The following TERB2 variants were observed in gnomAD, a reference collection of about 807,000 sequenced individuals.
TERB2 encodes telomere repeats-binding bouquet formation protein 2.
In TERB2, 26 loss-of-function variants were observed where a neutral mutation model predicts 29.8. The observed-to-expected ratio is 0.87, with a 90% CI of 0.64 to 1.21. The LOEUF is 1.21. Ranked by LOEUF, TERB2 falls within the 50% of genes most tolerant of loss-of-function variation. The probability of loss-of-function intolerance (pLI) is 0.00; values close to 1 mark genes in which losing one functional copy is unlikely to be tolerated. For missense variants in TERB2, 240 were observed against 268.6 expected, an observed-to-expected ratio of 0.89 and a Z score of 0.74; for synonymous variants, 80 against 90.8, an observed-to-expected ratio of 0.88 and a Z score of 0.68.
At position 44,978,512 on chromosome 15, in the gene TERB2, A is replaced by G. The variant is rs1401941068; in HGVS notation, c.547A>G (p.Lys183Glu). ...VTGYISIDAMKKFLGELHDFI... is the reference protein window; with the variant it reads ...VTGYISIDAMEKFLGELHDFI... ...AGGTTATATATCAATTGATGCCATG[A>G]AGAAATTCCTTGGGGAGCTACATGA... Residue 183 changes from lysine to glutamate, a missense_variant, in exon 7 of 7, where the codon AAG becomes GAG. Transcript: ENST00000340827. 6.2e-7 allele frequency: 1 copy of G among 1,605,062 alleles called. No homozygotes were observed. Among genetic ancestry groups the G allele is most frequent in the Non-Finnish European group, 8.5e-7 (1 of 1,175,520 alleles).
At position 44,957,075 on chromosome 15, in the gene TERB2, G is replaced by C; in HGVS notation, c.146+98G>C. 4 of 1,277,430 alleles carry C rather than the reference G, an allele frequency of 3.1e-6. No individual in the cohort carries two copies. The South Asian group carries it at 3.8e-5, about 12-fold the overall frequency. 79.1% of individuals were successfully genotyped at this position (1,277,430 alleles called of 1,614,324 possible). A position where few individuals can be genotyped will look rare whatever the true frequency, so the allele number is the denominator to read the frequency against. ...CTAATAAATATTGATGAGGCTGGGC[G>C]CGGTGGCGGACACCTATAATCCCAG... On this transcript the variant is annotated intron_variant, in intron 2 of 6. Transcript: ENST00000340827.
intron 6 of TERB2, among the ~76,000 whole-genome samples, chr15:44,976,541 C>A (rs138408602): frequency 1.1e-4 from 16 of 152,156 alleles, no homozygotes; most frequent in Admixed American, 1.0e-3. Flanking sequence ...GTCTTTTTTA[C>A]ATCCGACTCT....
intron 3 of TERB2, among the ~76,000 whole-genome samples, chr15:44,961,215 T>TATATAC (rs1348617987): frequency 7.5e-5 from 10 of 132,800 alleles, no homozygotes; most frequent in African/African-American, 3.0e-4. Flanking sequence ...TATATATATA[T>TATATAC]ACACACACAC....
intron 5 of TERB2, among the ~76,000 whole-genome samples, chr15:44,969,533 C>T (rs951497210): frequency 9.9e-5 from 15 of 151,658 alleles, no homozygotes; most frequent in Admixed American, 6.6e-4. Context: ...TCACACCTGT[C>T]ATCCCAGCAC....
chr15:44,965,227 A>G (rs1419682348), intron 4 of TERB2, among the ~76,000 whole-genome samples: 1 of 148,572 alleles, frequency 6.7e-6, no homozygotes, highest in Non-Finnish European at 1.5e-5. Flanking sequence ...GGTATATAAA[A>G]TAAATAGATT....
At chr15:44,967,149 A>G (rs193042629) in intron 5 of TERB2, among the ~76,000 whole-genome samples, 45 of 152,364 alleles carry the variant, frequency 3.0e-4, no homozygotes, top group Non-Finnish European at 2.8e-4. Flanking sequence ...TGGCCTTGCC[A>G]TTGTATTAGG....
intron 4 of TERB2, among the ~76,000 whole-genome samples, chr15:44,962,312 G>C (rs1891818369): frequency 6.6e-6 from 1 of 151,186 alleles, no homozygotes; most frequent in Non-Finnish European, 1.5e-5. Context: ...CTCCAGAGTA[G>C]CTGGGACCAC....
chr15:44,965,014 T>A (rs111699097), intron 4 of TERB2, among the ~76,000 whole-genome samples: 12 of 151,292 alleles, frequency 7.9e-5, no homozygotes, highest in African/African-American at 2.9e-4. Context: ...ATACAAAAAA[T>A]TTGCCAGATG....
In TERB2 at chr15:44,956,754, C is replaced by G. The variant is rs538168254; in HGVS notation, c.36C>G (p.Ser12Arg). 1.2e-6 allele frequency: 2 copies of G among 1,613,336 alleles called. No homozygotes were observed. Among genetic ancestry groups the G allele is most frequent in the African/African-American group, 2.7e-5 (2 of 74,868 alleles). ...FQGQRGWFCG[S>R]VSQDLRQFWV... ...GGCAGCGCGGTTGGTTTTGCGGCAG[C>G]GTTAGCCAGGATCTGAGGCAATTCT... Residue 12 changes from serine (S) to arginine (R), a missense_variant, in exon 1 of 7, where the codon AGC becomes AGG. Physicochemically the swap from Ser to Arg is moderately radical, Grantham distance 110 (BLOSUM62 -1). Coordinates refer to ENST00000340827, the MANE Select transcript of TERB2 (RefSeq NM_152448.3).
chr15:44,977,374 T>C (rs895285121), intron 6 of TERB2, among the ~76,000 whole-genome samples: 51 of 152,366 alleles, frequency 3.3e-4, no homozygotes, highest in African/African-American at 8.7e-4. Flanking sequence ...CTTATACTTA[T>C]AGGAATATTT....
Position 44,966,092 on chromosome 15 carries a change from A to C in TERB2, c.349-66A>C, listed in dbSNP as rs954885530. 3.4e-6 allele frequency: 3 copies of C among 878,474 alleles called. No homozygotes were observed. The African/African-American group carries it at 5.3e-5, about 16-fold the overall frequency. The allele number at this position is 878,474 out of a possible 1,614,324, so 54.4% of individuals were successfully genotyped here. ...TTTCCAGTTTATTTTTCCTTTTTAA[A>C]AACATTACTGATTGGATCACTGGTA... On this transcript the variant is annotated intron_variant, in intron 4 of 6. Coordinates refer to ENST00000340827, the MANE Select transcript of TERB2 (RefSeq NM_152448.3).
intron 5 of TERB2, among the ~76,000 whole-genome samples, chr15:44,967,451 G>A (rs397833443): frequency 9.9e-5 from 15 of 152,262 alleles, no homozygotes; most frequent in South Asian, 2.1e-4. Context: ...GCAGAGTATC[G>A]CACCAATCCT....
chr15:44,978,427 T>G, intron 6 of TERB2, 62 bp from the exon 7 acceptor site: 2 of 1,450,980 alleles, frequency 1.4e-6, no homozygotes, highest in South Asian at 1.7e-5. Context: ...TCAAAGACAC[T>G]GAAAAGCAAA....
chr15:44,978,460 T>C (rs949674763), intron 6 of TERB2, 29 bp from the exon 7 acceptor site: 5 of 1,565,834 alleles, frequency 3.2e-6, no homozygotes, highest in Middle Eastern at 1.7e-4. Flanking sequence ...GTTTTAAGTA[T>C]ATATCTTTTT....
At chr15:44,973,461 T>C (rs1891999750) in intron 5 of TERB2, 1 of 152,170 alleles carries the variant, frequency 6.6e-6, no homozygotes, top group South Asian at 2.1e-4. Flanking sequence ...TCTATATGGG[T>C]CTTTATATTA....
chr15:44,966,989 A>G (rs1041982161), intron 5 of TERB2, among the ~76,000 whole-genome samples: 6 of 152,142 alleles, frequency 3.9e-5, no homozygotes, highest in African/African-American at 1.4e-4. Flanking sequence ...AGTCCCAGCT[A>G]TTTGGAGGCT....
chr15:44,978,948 T>C lies in TERB2; in HGVS notation c.*320T>C, dbSNP rs999808646. 1 of 165,464 alleles carries C rather than the reference T, an allele frequency of 6.0e-6. No homozygotes were observed. The allele number at this position is 165,464 out of a possible 1,614,324, so 10.2% of individuals were successfully genotyped here. Reference sequence around the variant, plus strand: ...CTCCTCCTCCTCCTCTTTCTTGCTTTCTCTTTTCCCTCTCTCTTTCTCTCC... The same window carrying C: ...CTCCTCCTCCTCCTCTTTCTTGCTTCCTCTTTTCCCTCTCTCTTTCTCTCC... On this transcript the variant is annotated 3_prime_UTR_variant, in exon 7 of 7. Coordinates refer to ENST00000340827, the MANE Select transcript of TERB2 (RefSeq NM_152448.3).
chr15:44,965,491 T>C (rs1424477451), intron 4 of TERB2, among the ~76,000 whole-genome samples: 2 of 144,404 alleles, frequency 1.4e-5, no homozygotes, highest in African/African-American at 5.0e-5. Context: ...TATATTTATA[T>C]AGATATATAT....
chr15:44,963,801 A>ATTTTTTT (rs1358739221), intron 4 of TERB2, among the ~76,000 whole-genome samples: 1 of 128,236 alleles, frequency 7.8e-6, no homozygotes, highest in Non-Finnish European at 1.6e-5. Flanking sequence ...TTATTATACT[A>ATTTTTTT]TTCTTTTTTT....
Sources: allele counts gnomAD v4.1 joint callset (sites outside exome capture counted in the v4.1 genomes callset), GRCh38; gene constraint gnomAD v4.1.1; transcripts MANE v1.5; gene names NCBI Gene and HGNC (gene_info 2026-07-23, HGNC 2026-07-21).